Variants in AHCYL2 observed in about 807,000 individuals in gnomAD.
The protein encoded by AHCYL2 is adenosylhomocysteinase like 2.
In AHCYL2, 28 loss-of-function variants were observed where a neutral mutation model predicts 81.4. The observed-to-expected ratio is 0.34, with a 90% CI of 0.25 to 0.47. The LOEUF is 0.47. Among genes scored for constraint, AHCYL2 ranks in the 20% least tolerant of loss-of-function variants. AHCYL2 has a pLI of 1.00. For missense variants in AHCYL2, 551 were observed against 785.1 expected (o/e 0.70, Z 3.56); for synonymous variants, 272 against 290.2 (o/e 0.94, Z 0.64).
chr7:129,409,439 C>T, intron 10 of AHCYL2, 37 bp from the exon 11 acceptor site: 1 of 1,573,242 alleles, frequency 6.4e-7, no homozygotes, highest in Non-Finnish European at 8.7e-7. Flanking sequence ...TCCCCAGCTG[C>T]CTGTTTAGGT....
intron 1 of AHCYL2, among the ~76,000 whole-genome samples, chr7:129,277,278 C>CT (rs1554473463): frequency 3.4e-4 from 46 of 135,788 alleles, no homozygotes; most frequent in African/African-American, 4.0e-4. Context: ...AAGTCTCTCT[C>CT]TTTTTTTTTT....
intron 12 of AHCYL2, 43 bp downstream of exon 12, chr7:129,413,731 T>A: frequency 6.5e-7 from 1 of 1,529,350 alleles, no homozygotes; most frequent in Non-Finnish European, 9.1e-7. Context: ...TTTCTCTCCT[T>A]CACAAGAAGC....
intron 1 of AHCYL2, among the ~76,000 whole-genome samples, chr7:129,297,830 C>T (rs1417795679): frequency 6.6e-6 from 1 of 151,978 alleles, no homozygotes; most frequent in Non-Finnish European, 1.5e-5. Context: ...TTGAGACCAG[C>T]CTGGACAACA....
At chr7:129,352,611 C>T (rs1280778748) in intron 1 of AHCYL2, among the ~76,000 whole-genome samples, 1 of 152,150 alleles carries the variant, frequency 6.6e-6, no homozygotes, top group Non-Finnish European at 1.5e-5. Context: ...TTTCTTTTTC[C>T]TCACCTCCTA....
intron 1 of AHCYL2, among the ~76,000 whole-genome samples, chr7:129,364,571 G>A (rs906060010): frequency 6.6e-5 from 10 of 152,140 alleles, no homozygotes; most frequent in Admixed American, 2.0e-4. Flanking sequence ...GATTACAGGC[G>A]TGAGCCACTG....
intron 1 of AHCYL2, among the ~76,000 whole-genome samples, chr7:129,341,010 G>A (rs1793160321): frequency 6.6e-6 from 1 of 152,126 alleles, no homozygotes; most frequent in South Asian, 2.1e-4. Flanking sequence ...TGGAATCAAG[G>A]TTATGCTGGT....
chr7:129,282,486 C>G (rs1223730118), intron 1 of AHCYL2, among the ~76,000 whole-genome samples: 1 of 152,108 alleles, frequency 6.6e-6, no homozygotes, highest in African/African-American at 2.4e-5. Flanking sequence ...TTTGTCTGAT[C>G]TGCCATCAGT....
intron 1 of AHCYL2, among the ~76,000 whole-genome samples, chr7:129,297,077 A>G (rs997790729): frequency 3.3e-5 from 5 of 152,214 alleles, no homozygotes; most frequent in Non-Finnish European, 5.9e-5. Flanking sequence ...GTGTGTACAC[A>G]TGCACACTGA....
chr7:129,385,872 GT>G (rs1340349587), intron 2 of AHCYL2, among the ~76,000 whole-genome samples: 1 of 152,102 alleles, frequency 6.6e-6, no homozygotes, highest in African/African-American at 2.4e-5. Context: ...TTGTACATAC[GT>G]GTTGGGTTTC....
chr7:129,397,468 T>A (rs933631718), intron 5 of AHCYL2, 144 bp downstream of exon 5: 1 of 857,472 alleles, frequency 1.2e-6, no homozygotes, highest in Non-Finnish European at 1.8e-6. Flanking sequence ...GAATTTGCTC[T>A]TTTTCTGGCC....
At chr7:129,407,986 A>G (rs1359729728) in intron 10 of AHCYL2, among the ~76,000 whole-genome samples, 2 of 152,256 alleles carry the variant, frequency 1.3e-5, no homozygotes, top group African/African-American at 4.8e-5. Context: ...AGGAGATAGC[A>G]TGGCAGATTT....
intron 12 of AHCYL2, among the ~76,000 whole-genome samples, chr7:129,420,542 C>G (rs1264173773): frequency 6.7e-6 from 1 of 149,284 alleles, no homozygotes; most frequent in Non-Finnish European, 1.5e-5. Flanking sequence ...TGCAGTGGCA[C>G]AATCTCAGCT....
chr7:129,290,458 G>A (rs528237089), intron 1 of AHCYL2, among the ~76,000 whole-genome samples: 6 of 147,798 alleles, frequency 4.1e-5, no homozygotes, highest in South Asian at 4.3e-4. Flanking sequence ...CTGAGATTGC[G>A]CCACTGCACT....
chr7:129,321,162 C>T (rs1451838560), intron 1 of AHCYL2, among the ~76,000 whole-genome samples: 1 of 152,062 alleles, frequency 6.6e-6, no homozygotes, highest in Non-Finnish European at 1.5e-5. Context: ...AATTTGATTC[C>T]TTTTATTTCC....
At chr7:129,356,652 C>A (rs1793743751) in intron 1 of AHCYL2, among the ~76,000 whole-genome samples, 1 of 152,208 alleles carries the variant, frequency 6.6e-6, no homozygotes, top group South Asian at 2.1e-4. Flanking sequence ...AGCAATGTAT[C>A]CTCATTCCAG....
At chr7:129,365,911 A>C (rs1794097013) in intron 1 of AHCYL2, among the ~76,000 whole-genome samples, 1 of 152,088 alleles carries the variant, frequency 6.6e-6, no homozygotes, top group Admixed American at 6.6e-5. Flanking sequence ...GAAAGACAGC[A>C]ATAATGTTGA....
chr7:129,297,107 A>C (rs547790014), intron 1 of AHCYL2, among the ~76,000 whole-genome samples: 2 of 152,330 alleles, frequency 1.3e-5, no homozygotes, highest in Admixed American at 6.5e-5. Flanking sequence ...GCCTTGGCAC[A>C]TTGTGTGACT....
chr7:129,294,733 G>T (rs34026893), intron 1 of AHCYL2, among the ~76,000 whole-genome samples: 3,748 of 152,276 alleles, frequency 0.025, 76 homozygotes, highest in Admixed American at 0.058. Context: ...ATTAGTAGAC[G>T]TGTTAAGGAG....
chr7:129,338,108 A>G (rs542927019), intron 1 of AHCYL2, among the ~76,000 whole-genome samples: 3 of 152,192 alleles, frequency 2.0e-5, no homozygotes, highest in Non-Finnish European at 4.4e-5. Flanking sequence ...GGGGAAGTAT[A>G]TCTGTGGGAC....
Sources: gnomAD v4.1 joint callset for allele counts (sites outside exome capture counted in the v4.1 genomes callset) on GRCh38, gnomAD v4.1.1 for gene constraint, MANE v1.5 for transcripts, NCBI Gene and HGNC (gene_info 2026-07-23, HGNC 2026-07-21) for gene names.